Variants in SLC25A21 observed in about 807,000 individuals in gnomAD.
The protein encoded by SLC25A21 is solute carrier family 25 member 21, also known as mitochondrial 2-oxodicarboxylate carrier.
A neutral mutation model predicts 43.8 loss-of-function variants in SLC25A21; 47 were observed. That is an observed-to-expected ratio of 1.07 (90% CI 0.85 to 1.37). The LOEUF is 1.37. Ranked by LOEUF, SLC25A21 falls within the 40% of genes most tolerant of loss-of-function variation. The pLI, the probability that SLC25A21 is intolerant of heterozygous loss-of-function variation, is 0.00. For missense variants in SLC25A21, 352 were observed against 350.2 expected, an observed-to-expected ratio of 1.00 and a Z score of -0.04; for synonymous variants, 131 against 121.3, an observed-to-expected ratio of 1.08 and a Z score of -0.52.
intron 2 of SLC25A21, among the ~76,000 whole-genome samples, chr14:36,858,185 C>T (rs544105630): frequency 3.9e-5 from 6 of 152,108 alleles, no homozygotes; most frequent in Non-Finnish European, 5.9e-5. Context: ...TTTCTCTCCC[C>T]AGAAGTGAAT....
At chr14:36,741,940 T>C (rs1310279442) in intron 3 of SLC25A21, among the ~76,000 whole-genome samples, 1 of 152,214 alleles carries the variant, frequency 6.6e-6, no homozygotes, top group African/African-American at 2.4e-5. Flanking sequence ...AACATCACCA[T>C]TCAGCTCTGT....
intron 1 of SLC25A21, among the ~76,000 whole-genome samples, chr14:37,084,403 T>C (rs72669528): frequency 0.15 from 23,183 of 152,236 alleles, 2,177 homozygotes; most frequent in Non-Finnish European, 0.21. Context: ...TTTTGAGATG[T>C]ACTGTTGGTA....
chr14:36,881,714 G>A (rs772457486), intron 1 of SLC25A21, among the ~76,000 whole-genome samples: 4 of 152,122 alleles, frequency 2.6e-5, no homozygotes, highest in Non-Finnish European at 5.9e-5. Context: ...GAACACATAG[G>A]TACAAAAATG....
Position 36,684,726 on chromosome 14 carries a change from A to T in SLC25A21, c.785+18T>A. On this transcript the variant is annotated intron_variant, in intron 8 of 9. Coordinates refer to ENST00000331299, the MANE Select transcript of SLC25A21 (RefSeq NM_030631.4). ...GTGAGCCTCATACATTTATTAAAAT[A>T]AGAATGTGTTATGTTACCCTTCTTC... The T allele has an allele frequency of 1.9e-6, 3 of 1,585,554 alleles. No individual in the cohort carries two copies. The highest frequency in any genetic ancestry group is 2.6e-6 in the Non-Finnish European group (3 of 1,165,436).
At chr14:36,838,326 T>C (rs920728988) in intron 2 of SLC25A21, among the ~76,000 whole-genome samples, 1 of 152,228 alleles carries the variant, frequency 6.6e-6, no homozygotes, top group Non-Finnish European at 1.5e-5. Context: ...AAAAGAGCTG[T>C]AGTACAGCAC....
intron 1 of SLC25A21, among the ~76,000 whole-genome samples, chr14:36,896,476 G>A (rs1891242262): frequency 6.6e-6 from 1 of 152,054 alleles, no homozygotes; most frequent in African/African-American, 2.4e-5. Context: ...CATACTGATG[G>A]GTCTTGACTC....
chr14:36,868,955 C>T (rs1261950404), intron 2 of SLC25A21, among the ~76,000 whole-genome samples: 2 of 152,164 alleles, frequency 1.3e-5, no homozygotes, highest in African/African-American at 4.8e-5. Flanking sequence ...ACTGGAGAGA[C>T]CTACCATGAT....
intron 1 of SLC25A21, among the ~76,000 whole-genome samples, chr14:36,893,352 G>A (rs1273013407): frequency 2.6e-5 from 4 of 152,136 alleles, no homozygotes; most frequent in African/African-American, 4.8e-5. Context: ...GTCTTCTTTC[G>A]AGAAGTGTCT....
chr14:37,053,544 A>C (rs929995110), intron 1 of SLC25A21, among the ~76,000 whole-genome samples: 9 of 152,212 alleles, frequency 5.9e-5, no homozygotes, highest in Non-Finnish European at 1.3e-4. Context: ...AAATGGAGAA[A>C]ACATATACAA....
intron 1 of SLC25A21, among the ~76,000 whole-genome samples, chr14:36,899,560 T>G (rs1199691232): frequency 6.6e-6 from 1 of 152,158 alleles, no homozygotes; most frequent in Non-Finnish European, 1.5e-5. Flanking sequence ...CTTCACTGGG[T>G]TCATTCAAGC....
intron 1 of SLC25A21, among the ~76,000 whole-genome samples, chr14:37,097,393 C>T (rs1353478356): frequency 6.6e-6 from 1 of 152,114 alleles, no homozygotes; most frequent in African/African-American, 2.4e-5. Flanking sequence ...AGCCACCGCA[C>T]TCGGCCAAAT....
chr14:36,689,535 G>A (rs986069436), intron 7 of SLC25A21, among the ~76,000 whole-genome samples: 1 of 152,162 alleles, frequency 6.6e-6, no homozygotes, highest in Non-Finnish European at 1.5e-5. Context: ...AAAACAAAGA[G>A]GCTAAAAATA....
chr14:37,009,637 T>G (rs1293248785), intron 1 of SLC25A21, among the ~76,000 whole-genome samples: 1 of 152,194 alleles, frequency 6.6e-6, no homozygotes, highest in African/African-American at 2.4e-5. Context: ...TAGTGCGTAG[T>G]GTTTAAATGA....
At chr14:36,774,179 T>C (rs1288349093) in intron 3 of SLC25A21, among the ~76,000 whole-genome samples, 3 of 152,214 alleles carry the variant, frequency 2.0e-5, no homozygotes, top group Non-Finnish European at 4.4e-5. Flanking sequence ...TGCAAGCTCT[T>C]GTACAAAAAG....
chr14:36,792,525 G>C (rs1462229695), intron 3 of SLC25A21, among the ~76,000 whole-genome samples: 1 of 152,126 alleles, frequency 6.6e-6, no homozygotes. Flanking sequence ...TAAATAGAAA[G>C]ATTGGTTTGC....
intron 2 of SLC25A21, among the ~76,000 whole-genome samples, chr14:36,871,149 T>C (rs990393992): frequency 6.6e-6 from 1 of 150,886 alleles, no homozygotes; most frequent in Non-Finnish European, 1.5e-5. Context: ...TATGGTGAAA[T>C]CCAACCCCGC....
At chr14:37,168,101 C>T (rs559016250) in intron 1 of SLC25A21, among the ~76,000 whole-genome samples, 1 of 152,242 alleles carries the variant, frequency 6.6e-6, no homozygotes, top group East Asian at 1.9e-4. Context: ...TTTCAACAAA[C>T]TTCCAGATGC....
intron 2 of SLC25A21, among the ~76,000 whole-genome samples, chr14:36,857,851 T>C (rs1312437283): frequency 2.0e-5 from 3 of 152,246 alleles, no homozygotes; most frequent in Admixed American, 2.0e-4. Flanking sequence ...CTTGAGCACC[T>C]ATAGGGTCAA....
At chr14:36,934,976 C>T (rs749098069) in intron 1 of SLC25A21, among the ~76,000 whole-genome samples, 2 of 151,750 alleles carry the variant, frequency 1.3e-5, no homozygotes, top group Non-Finnish European at 2.9e-5. Context: ...AATCCAACAG[C>T]TAAAACCTGT....
Sources: allele counts gnomAD v4.1 joint callset (sites outside exome capture counted in the v4.1 genomes callset), GRCh38; gene constraint gnomAD v4.1.1; transcripts MANE v1.5; gene names NCBI Gene and HGNC (gene_info 2026-07-23, HGNC 2026-07-21).